Variants in MYO19 observed in about 807,000 individuals in gnomAD.
The protein encoded by MYO19 is unconventional myosin-XIX.
In MYO19, 132 loss-of-function variants were observed where a neutral mutation model predicts 129.2. That is an observed-to-expected ratio of 1.02 (90% confidence interval 0.89 to 1.18). The LOEUF is 1.18. MYO19 is among the 50% of genes most tolerant of loss of function. MYO19 has a pLI of 0.00. For synonymous variants in MYO19, 531 were observed against 477.2 expected (o/e 1.11, Z -1.47); for missense variants, 1,210 against 1,216.7 (o/e 0.99, Z 0.08).
rs535909939 is a variant in MYO19, at chr17:36,508,753, T to A, written c.1231+309A>T. On this transcript the variant is annotated intron_variant, in intron 14 of 25. Coordinates refer to ENST00000614623, the MANE Select transcript of MYO19 (RefSeq NM_001163735.2). ...CCTCCAAAGTCCCTTCTAATACAGC[T>A]ATTTTCCCCAACCCCCACTACTCTC... 150 of 387,190 alleles carry A rather than the reference T, an allele frequency of 3.9e-4. 2 individuals carry two copies. The South Asian group carries it at 5.7e-3, about 15-fold the overall frequency. 24.0% of individuals were successfully genotyped at this position (387,190 alleles called of 1,614,324 possible). A position where few individuals can be genotyped will look rare whatever the true frequency, so the allele number is the denominator to read the frequency against.
At chr17:36,508,231 C>T (rs2072058659) in intron 14 of MYO19, 1 of 249,962 alleles carries the variant, frequency 4.0e-6, no homozygotes, top group Admixed American at 5.1e-5. Flanking sequence ...CTGATAGGCA[C>T]CTCCTATGAG....
At chr17:36,530,549 C>T (rs536806335) in intron 3 of MYO19, among the ~76,000 whole-genome samples, 7 of 150,794 alleles carry the variant, frequency 4.6e-5, no homozygotes, top group South Asian at 2.1e-4. Context: ...CTCCGCCTCC[C>T]GGGTTCACGC....
At position 36,498,535 on chromosome 17, in the gene MYO19, T is replaced by C. The variant is rs374641047; in HGVS notation, c.2488A>G (p.Lys830Glu). 205 of 1,612,804 alleles carry C rather than the reference T, an allele frequency of 1.3e-4. 1 individual carries two copies. Among genetic ancestry groups the C allele is most frequent in the South Asian group, 2.4e-4 (22 of 91,068 alleles). ...TTTTCTTCCACACCATCCAGCTCTT[T>C]AGCAGCAAGGCAGGCCATTCTGATC... ...WRIRMACLAA[K>E]ELDGVEEKHF... is the part of the protein sequence containing the mutation. The change falls in exon 25 of 26, where the codon AAA (lysine) becomes GAA (glutamate). Residue 830 changes from lysine to glutamate, a missense_variant. Physicochemically the swap from Lys to Glu is moderately conservative, Grantham distance 56 (BLOSUM62 1). Transcript: ENST00000614623.
intron 21 of MYO19, 50 bp downstream of exon 21, chr17:36,503,047 G>T: frequency 6.9e-7 from 1 of 1,458,028 alleles, no homozygotes; most frequent in Non-Finnish European, 9.6e-7. Context: ...CAGGGTAGAT[G>T]CTCAGTAAAC....
chr17:36,509,230 G>A (rs2072146548), intron 13 of MYO19, 95 bp from the exon 14 acceptor site: 1 of 1,085,830 alleles, frequency 9.2e-7, no homozygotes, highest in African/African-American at 1.6e-5. Flanking sequence ...ACACCCTGGG[G>A]GGCCCTTGTA....
chr17:36,496,639 G>A (rs1673167195), intron 25 of MYO19, among the ~76,000 whole-genome samples: 2 of 152,162 alleles, frequency 1.3e-5, no homozygotes, highest in Admixed American at 1.3e-4. Context: ...ACTGCTTAAA[G>A]CCAGAAGGGC....
chr17:36,543,678 G>A (rs766452404), upstream of MYO19, among the ~76,000 whole-genome samples: 16 of 150,540 alleles, frequency 1.1e-4, no homozygotes, highest in Non-Finnish European at 1.8e-4. Context: ...AGGCTGCAGT[G>A]CAATGGCGCG....
intron 6 of MYO19, among the ~76,000 whole-genome samples, chr17:36,517,566 A>G (rs941884537): frequency 1.3e-5 from 2 of 152,106 alleles, no homozygotes; most frequent in South Asian, 2.1e-4. Flanking sequence ...GTGAGTTATC[A>G]TTTTATTCAT....
At chr17:36,539,664 C>T (rs914485912), upstream of MYO19, among the ~76,000 whole-genome samples, 4 of 151,980 alleles carry the variant, frequency 2.6e-5, no homozygotes, top group Non-Finnish European at 5.9e-5. Context: ...ATAATAATTA[C>T]GAGACAAAGT....
At chr17:36,504,371 C>G in intron 19 of MYO19, 1 of 252,480 alleles carries the variant, frequency 4.0e-6, no homozygotes, top group Non-Finnish European at 7.5e-6. Flanking sequence ...TTTTCACTGT[C>G]TGCAGGCATT....
chr17:36,499,159 G>A lies in MYO19; in HGVS notation c.2379C>T (p.Ala793=). The A allele has an allele frequency of 6.2e-7, 1 of 1,601,958 alleles. No individual in the cohort carries two copies. The highest frequency in any genetic ancestry group is 8.5e-7 in the Non-Finnish European group (1 of 1,173,616). ...QWRAVMLIQA[A]IRSWLTRKHI... ...GTTTCCGAGTTAACCAGGAACGAATGGCTAAGAGGTTTGCCCAGAAACAGG... is the reference window on the plus strand; with the variant it reads ...GTTTCCGAGTTAACCAGGAACGAATAGCTAAGAGGTTTGCCCAGAAACAGG... The change falls in exon 24 of 26, where the codon GCC becomes GCT. Residue 793 remains alanine (A), a splice_region_variant and synonymous_variant. Transcript: ENST00000614623.
chr17:36,527,412 T>C, intron 5 of MYO19, 139 bp downstream of exon 5: 1 of 911,066 alleles, frequency 1.1e-6, no homozygotes, highest in Admixed American at 3.3e-5. Flanking sequence ...TGCCAGCTCC[T>C]ATTGGGCAGG....
chr17:36,537,049 A>G (rs2074149261), upstream of MYO19: 1 of 1,485,468 alleles, frequency 6.7e-7, no homozygotes, highest in Non-Finnish European at 9.1e-7. Flanking sequence ...ATTACACAAG[A>G]ATGCTGCTTT....
chr17:36,522,555 A>T (rs1158130184), intron 6 of MYO19, among the ~76,000 whole-genome samples: 3 of 151,338 alleles, frequency 2.0e-5, no homozygotes, highest in African/African-American at 7.3e-5. Flanking sequence ...AAAACAAAAC[A>T]AGGCAGTAAA....
Position 36,496,359 on chromosome 17 carries a change from G to A in MYO19, c.2805C>T (p.Asp935=), listed in dbSNP as rs2070966675. 6.8e-6 allele frequency: 11 copies of A among 1,614,032 alleles called. No individual in the cohort carries two copies. The East Asian group carries it at 2.2e-4, about 33-fold the overall frequency. Residue 935 remains aspartate, a synonymous_variant, in exon 26 of 26, where the codon GAC becomes GAT. Transcript: ENST00000614623. Reference sequence around the variant, plus strand: ...TGTAGGGTGAAGGTTCAGGGCAGATGTCAGCATACCGCAGTGGAGACTTTC... The same window carrying A: ...TGTAGGGTGAAGGTTCAGGGCAGATATCAGCATACCGCAGTGGAGACTTTC... ...HCRKSPLRYA[D]ICPEPSPYSI...
At chr17:36,526,043 C>T (rs994872814) in intron 5 of MYO19, among the ~76,000 whole-genome samples, 1 of 152,160 alleles carries the variant, frequency 6.6e-6, no homozygotes, top group South Asian at 2.1e-4. Context: ...CTAACCCAGC[C>T]AGCAGTGATC....
intron 11 of MYO19, 93 bp downstream of exon 11, chr17:36,513,336 G>C (rs1232387107): frequency 6.2e-7 from 1 of 1,608,312 alleles, no homozygotes; most frequent in South Asian, 1.1e-5. Flanking sequence ...TAGATCCTCA[G>C]GGAAAGACCA....
chr17:36,527,928 G>C (rs1030551396), intron 4 of MYO19, 136 bp downstream of exon 4: 2 of 1,281,968 alleles, frequency 1.6e-6, no homozygotes, highest in South Asian at 1.5e-5. Flanking sequence ...CTCAGGCGGA[G>C]GTCTGGAGCA....
At chr17:36,529,849 CTCTA>C (rs2073721319) in intron 3 of MYO19, among the ~76,000 whole-genome samples, 1 of 152,162 alleles carries the variant, frequency 6.6e-6, no homozygotes, top group South Asian at 2.1e-4. Flanking sequence ...TGAATCCTGA[CTCTA>C]TCTCTTACAG....
Sources: gnomAD v4.1 joint callset for allele counts (sites outside exome capture counted in the v4.1 genomes callset) on GRCh38, gnomAD v4.1.1 for gene constraint, MANE v1.5 for transcripts, NCBI Gene and HGNC (gene_info 2026-07-23, HGNC 2026-07-21) for gene names.